The following CDH19 variants were observed in gnomAD, a reference collection of about 807,000 sequenced individuals.
CDH19 encodes cadherin 19, also known as cadherin-19.
In CDH19, 67 loss-of-function variants were observed where a neutral mutation model predicts 64.2. That is an observed-to-expected ratio of 1.04 (90% CI 0.86 to 1.28). CDH19 has a LOEUF of 1.28. Ranked by LOEUF, CDH19 falls within the 50% of genes most tolerant of loss-of-function variation. The pLI is 0.00. For synonymous variants in CDH19, 346 were observed against 319.3 expected (o/e 1.08, Z -0.89); for missense variants, 1,030 against 929.0 (o/e 1.11, Z -1.41).
chr18:66,596,878 C>T (rs1415586637), intron 1 of CDH19, among the ~76,000 whole-genome samples: 5 of 150,578 alleles, frequency 3.3e-5, no homozygotes, highest in South Asian at 2.1e-4. Context: ...GTCAGGAGAT[C>T]GAGACCATCC....
intron 6 of CDH19, 145 bp from the exon 7 acceptor site, chr18:66,544,369 A>G: frequency 1.5e-6 from 1 of 674,506 alleles, no homozygotes; most frequent in South Asian, 2.3e-5. Flanking sequence ...CTCTGATATA[A>G]TTGTTAATCA....
At chr18:66,557,499 G>GA (rs1475033751) in intron 3 of CDH19, among the ~76,000 whole-genome samples, 4 of 151,910 alleles carry the variant, frequency 2.6e-5, no homozygotes, top group Non-Finnish European at 4.4e-5. Context: ...AATTTTAGTG[G>GA]AAAAAATCTG....
chr18:66,531,619 T>TA (rs1986448770), intron 8 of CDH19, among the ~76,000 whole-genome samples: 1 of 152,030 alleles, frequency 6.6e-6, no homozygotes, highest in Non-Finnish European at 1.5e-5. Context: ...CTGACTCAGA[T>TA]AAAAGAGTCA....
chr18:66,589,420 T>C (rs921768679), intron 1 of CDH19, among the ~76,000 whole-genome samples: 1 of 151,924 alleles, frequency 6.6e-6, no homozygotes, highest in Non-Finnish European at 1.5e-5. Flanking sequence ...TTTGCACTTG[T>C]TGAAACTCTT....
intron 7 of CDH19, among the ~76,000 whole-genome samples, chr18:66,541,861 C>T (rs1425475033): frequency 6.6e-6 from 1 of 152,054 alleles, no homozygotes; most frequent in Non-Finnish European, 1.5e-5. Context: ...TACAAAACCT[C>T]TTAATATTTG....
At chr18:66,533,724 G>T (rs912686538) in intron 8 of CDH19, among the ~76,000 whole-genome samples, 9 of 151,838 alleles carry the variant, frequency 5.9e-5, no homozygotes, top group African/African-American at 2.2e-4. Flanking sequence ...AACTTCATTT[G>T]CTGGAAAAAA....
intron 3 of CDH19, among the ~76,000 whole-genome samples, chr18:66,558,422 C>T (rs1987600989): frequency 6.6e-6 from 1 of 151,590 alleles, no homozygotes. Flanking sequence ...ACAGTTTAAG[C>T]AATTTTAAAT....
Position 66,509,024 on chromosome 18 carries a change from G to GCAAT in CDH19, c.1795_1798dup (p.Ala600AspfsTer31). 6.2e-7 allele frequency: 1 copy of GCAAT among 1,611,992 alleles called. No homozygotes were observed. The highest frequency in any genetic ancestry group is 8.5e-7 in the Non-Finnish European group (1 of 1,178,582). ...TATGATCATAATGCAAATGAGAATA[G>GCAAT]CAATGATGACTTCTGTCTTGAATCC... On this transcript the variant is annotated frameshift_variant, in exon 11 of 12. Coordinates refer to ENST00000262150, the MANE Select transcript of CDH19 (RefSeq NM_021153.4). LOFTEE classifies it low-confidence loss of function (END_TRUNC).
At chr18:66,578,646 T>C (rs1225373619) in intron 1 of CDH19, among the ~76,000 whole-genome samples, 1 of 151,972 alleles carries the variant, frequency 6.6e-6, no homozygotes, top group Non-Finnish European at 1.5e-5. Context: ...GATATCTATC[T>C]AGATATCTAC....
At chr18:66,592,462 TA>T in intron 1 of CDH19, among the ~76,000 whole-genome samples, 1 of 151,918 alleles carries the variant, frequency 6.6e-6, no homozygotes, top group East Asian at 1.9e-4. Context: ...TGTACAGTGC[TA>T]TAGAAAAGAC....
chr18:66,596,256 C>T (rs969500662), intron 1 of CDH19: 1 of 152,124 alleles, frequency 6.6e-6, no homozygotes, highest in Non-Finnish European at 1.5e-5. Context: ...TGGAACAAGA[C>T]AAGGATGCTG....
At chr18:66,554,311 A>T in intron 4 of CDH19, 94 bp downstream of exon 4, 1 of 1,231,066 alleles carries the variant, frequency 8.1e-7, no homozygotes, top group Non-Finnish European at 1.2e-6. Context: ...ACATATCAGG[A>T]CTACTGTAAA....
intron 9 of CDH19, among the ~76,000 whole-genome samples, chr18:66,514,215 C>T (rs1362530611): frequency 2.6e-5 from 4 of 151,358 alleles, no homozygotes; most frequent in Non-Finnish European, 4.4e-5. Context: ...GTAAGTGTAG[C>T]CCTCTAGGAC....
At chr18:66,573,422 C>T (rs1988168072) in intron 1 of CDH19, among the ~76,000 whole-genome samples, 1 of 151,420 alleles carries the variant, frequency 6.6e-6, no homozygotes, top group Non-Finnish European at 1.5e-5. Flanking sequence ...TTCTGTGGTC[C>T]CGGTATACTC....
intron 3 of CDH19, among the ~76,000 whole-genome samples, chr18:66,562,630 A>G (rs1162072354): frequency 1.3e-5 from 2 of 152,100 alleles, no homozygotes; most frequent in Non-Finnish European, 2.9e-5. Context: ...CACTTGTACC[A>G]CGTGCTTGAA....
chr18:66,554,811 T>C (rs1257527570), intron 3 of CDH19, among the ~76,000 whole-genome samples: 1 of 151,880 alleles, frequency 6.6e-6, no homozygotes, highest in Non-Finnish European at 1.5e-5. Context: ...AAACAATTCA[T>C]TGTAATGTAT....
chr18:66,591,166 T>A (rs1988732722), intron 1 of CDH19, among the ~76,000 whole-genome samples: 1 of 151,956 alleles, frequency 6.6e-6, no homozygotes, highest in Non-Finnish European at 1.5e-5. Flanking sequence ...AACCTCTAGA[T>A]CTTCTGGATA....
rs766025357 is a variant in CDH19, at chr18:66,551,106, TA to T, written c.762del (p.Ile255TyrfsTer9). On this transcript the variant is annotated frameshift_variant, in exon 5 of 12. Transcript: ENST00000262150. LOFTEE classifies it high-confidence loss of function. The part of the protein sequence containing the change: ...IKLSDVNDNK[P>X]IFKESLYRLT... ...CCTTTTTACTTACTTTCTTTAAATATAGGCTTATTGTCATTAACATCTGAAA... is the reference window on the plus strand; with the variant it reads ...CCTTTTTACTTACTTTCTTTAAATATGGCTTATTGTCATTAACATCTGAAA... 8 of 1,577,250 alleles carry T rather than the reference TA, an allele frequency of 5.1e-6. No individual in the cohort carries two copies. The highest frequency in any genetic ancestry group is 6.9e-6 in the Non-Finnish European group (8 of 1,151,614).
chr18:66,579,876 T>A (rs1424985836), intron 1 of CDH19, among the ~76,000 whole-genome samples: 1 of 152,006 alleles, frequency 6.6e-6, no homozygotes, highest in African/African-American at 2.4e-5. Context: ...ACACGCCCTA[T>A]TTTTAGTCGT....
Sources: allele counts gnomAD v4.1 joint callset (sites outside exome capture counted in the v4.1 genomes callset), GRCh38; gene constraint gnomAD v4.1.1; transcripts MANE v1.5; gene names NCBI Gene and HGNC (gene_info 2026-07-23, HGNC 2026-07-21).